PPP1R12A: variants seen among roughly 807,000 people sequenced by gnomAD.
The protein encoded by PPP1R12A is myosin binding subunit.
PPP1R12A carries 19 observed loss-of-function variants against 139.6 expected under a neutral mutation model. The observed-to-expected ratio is 0.14, with a 90% CI of 0.09 to 0.20. PPP1R12A has a LOEUF of 0.20. PPP1R12A is among the 10% of genes least tolerant of loss of function. The pLI is 1.00. For missense variants in PPP1R12A, 925 were observed against 1,211.5 expected, an observed-to-expected ratio of 0.76 and a Z score of 3.51; for synonymous variants, 427 against 420.6, an observed-to-expected ratio of 1.02 and a Z score of -0.19.
rs548610392 is a variant in PPP1R12A at position 79,917,565 on chromosome 12, C to T, written c.237+17130G>A. ...TTAAGCTGAAACAAATCTGCTGATG[C>T]TTACTCAAAGTCAAAATAACCCAAC... On this transcript the variant is annotated intron_variant, in intron 1 of 24. Coordinates refer to ENST00000450142, the MANE Select transcript of PPP1R12A (RefSeq NM_002480.3). 1.1e-4 allele frequency among the ~76,000 whole-genome samples: 16 copies of T among 151,002 alleles called. No individual in the cohort carries two copies. The South Asian group carries it at 2.1e-3, about 20-fold the overall frequency.
chr12:79,924,720 T>A (rs1266785087), intron 1 of PPP1R12A, among the ~76,000 whole-genome samples: 1 of 152,200 alleles, frequency 6.6e-6, no homozygotes, highest in Non-Finnish European at 1.5e-5. Flanking sequence ...TGAGCTACTG[T>A]GCCAGGCAGC....
intron 8 of PPP1R12A, among the ~76,000 whole-genome samples, chr12:79,819,802 G>T (rs530103482): frequency 1.0e-3 from 159 of 152,090 alleles, no homozygotes; most frequent in African/African-American, 3.7e-3. Context: ...GATGTGCATG[G>T]TAACATGTGC....
intron 1 of PPP1R12A, among the ~76,000 whole-genome samples, chr12:79,888,181 A>C (rs751160511): frequency 1.3e-5 from 2 of 152,276 alleles, no homozygotes; most frequent in African/African-American, 2.4e-5. Context: ...AGTCCAGCAC[A>C]AGACACGTAA....
intron 2 of PPP1R12A, among the ~76,000 whole-genome samples, chr12:79,872,396 CTAAG>C (rs1270980695): frequency 3.3e-5 from 5 of 151,998 alleles, no homozygotes; most frequent in Admixed American, 2.6e-4. Flanking sequence ...TTCAGAAAAA[CTAAG>C]TAAACAGGCT....
chr12:79,909,518 C>T (rs1372240516), intron 1 of PPP1R12A, among the ~76,000 whole-genome samples: 4 of 152,032 alleles, frequency 2.6e-5, no homozygotes, highest in East Asian at 3.9e-4. Flanking sequence ...GAGCAGATCT[C>T]GAGGTCAAGA....
At position 79,775,897 on chromosome 12, in the gene PPP1R12A, T is replaced by C; in HGVS notation, c.*32A>G. The C allele has an allele frequency of 2.7e-6, 4 of 1,462,196 alleles. No homozygotes were observed. The highest frequency in any genetic ancestry group is 3.7e-6 in the Non-Finnish European group (4 of 1,075,588). 90.6% of individuals were successfully genotyped at this position (1,462,196 alleles called of 1,614,324 possible). A position where few individuals can be genotyped will look rare whatever the true frequency, so the allele number is the denominator to read the frequency against. On this transcript the variant is annotated 3_prime_UTR_variant, in exon 25 of 25. Coordinates refer to ENST00000450142, the MANE Select transcript of PPP1R12A (RefSeq NM_002480.3). ...TATGGTCCACTGGGTTACTAATATG[T>C]GCAATTCCATTACTTGCTGCTTTTT...
At chr12:79,836,655 A>T (rs922803917) in intron 3 of PPP1R12A, among the ~76,000 whole-genome samples, 5 of 152,196 alleles carry the variant, frequency 3.3e-5, no homozygotes, top group East Asian at 1.9e-4. Flanking sequence ...TTAAATTTTT[A>T]AAATACTACC....
At chr12:79,900,780 A>T (rs1252965400) in intron 1 of PPP1R12A, among the ~76,000 whole-genome samples, 1 of 152,184 alleles carries the variant, frequency 6.6e-6, no homozygotes, top group African/African-American at 2.4e-5. Context: ...AATCAATGAC[A>T]TGTCATAAAC....
chr12:79,793,721 G>C, intron 19 of PPP1R12A, 142 bp downstream of exon 19: 1 of 594,922 alleles, frequency 1.7e-6, no homozygotes, highest in Non-Finnish European at 2.8e-6. Context: ...CTGATCCCCA[G>C]GCAAACACTG....
chr12:79,912,024 C>T (rs897818174), intron 1 of PPP1R12A, among the ~76,000 whole-genome samples: 4 of 152,128 alleles, frequency 2.6e-5, no homozygotes, highest in African/African-American at 9.7e-5. Flanking sequence ...TTCTTCTCAC[C>T]CCCTGTGCTC....
chr12:79,800,069 AAG>A (rs911767852), intron 14 of PPP1R12A, among the ~76,000 whole-genome samples: 1 of 152,138 alleles, frequency 6.6e-6, no homozygotes, highest in Non-Finnish European at 1.5e-5. Flanking sequence ...ACACAACATA[AAG>A]ACTTTCCTCT....
At chr12:79,789,167 A>G (rs756365986) in intron 20 of PPP1R12A, among the ~76,000 whole-genome samples, 2 of 152,090 alleles carry the variant, frequency 1.3e-5, no homozygotes, top group Non-Finnish European at 2.9e-5. Context: ...CCTGGGCTCA[A>G]GCAATTCACA....
chr12:79,851,177 T>G (rs1452599809), intron 2 of PPP1R12A, among the ~76,000 whole-genome samples: 1 of 152,184 alleles, frequency 6.6e-6, no homozygotes, highest in African/African-American at 2.4e-5. Context: ...TAGGAGAAAT[T>G]ATGAAAATTA....
chr12:79,837,190 T>C (rs1411131970), intron 3 of PPP1R12A, among the ~76,000 whole-genome samples: 1 of 152,104 alleles, frequency 6.6e-6, no homozygotes, highest in Non-Finnish European at 1.5e-5. Flanking sequence ...AAATAATATA[T>C]AATAAAACTA....
chr12:79,915,847 T>G (rs1377268465), intron 1 of PPP1R12A, among the ~76,000 whole-genome samples: 2 of 152,120 alleles, frequency 1.3e-5, no homozygotes, highest in Non-Finnish European at 2.9e-5. Context: ...CACCCAGCTA[T>G]TAGTGAGCCT....
intron 1 of PPP1R12A, among the ~76,000 whole-genome samples, chr12:79,903,096 G>A (rs533068665): frequency 2.4e-4 from 37 of 152,172 alleles, no homozygotes; most frequent in African/African-American, 7.5e-4. Context: ...CTGAAATAGC[G>A]ACACCTTTGC....
At chr12:79,830,864 T>A (rs940535988) in intron 4 of PPP1R12A, among the ~76,000 whole-genome samples, 1 of 152,144 alleles carries the variant, frequency 6.6e-6, no homozygotes, top group Non-Finnish European at 1.5e-5. Flanking sequence ...ACTGGCACAA[T>A]TCATACTTTA....
rs1888375566 is a variant in PPP1R12A, at chr12:79,933,144, T to C, written c.237+1551A>G. ...CTTCACCCAAATAAAAAGTTTGCTATGCATTAGAGAATCTAAATTAATGAA... is the reference window on the plus strand; with the variant it reads ...CTTCACCCAAATAAAAAGTTTGCTACGCATTAGAGAATCTAAATTAATGAA... On this transcript the variant is annotated intron_variant, in intron 1 of 24. Coordinates refer to ENST00000450142, the MANE Select transcript of PPP1R12A (RefSeq NM_002480.3). Among the ~76,000 whole-genome samples the C allele has an allele frequency of 1.3e-5, 2 of 152,240 alleles. 1 individual carries two copies. Among genetic ancestry groups the C allele is most frequent in the South Asian group, 4.1e-4 (2 of 4,838 alleles).
chr12:79,911,602 G>GT (rs373594794), intron 1 of PPP1R12A, among the ~76,000 whole-genome samples: 40 of 150,882 alleles, frequency 2.7e-4, no homozygotes, highest in African/African-American at 8.5e-4. Flanking sequence ...GAAATAAAAG[G>GT]TTTTTTTTTA....
Sources: allele counts gnomAD v4.1 joint callset (sites outside exome capture counted in the v4.1 genomes callset), GRCh38; gene constraint gnomAD v4.1.1; transcripts MANE v1.5; gene names NCBI Gene and HGNC (gene_info 2026-07-23, HGNC 2026-07-21).